Variants in MAST1 observed in about 807,000 individuals in gnomAD.
MAST1 encodes the protein microtubule-associated serine/threonine-protein kinase 1.
In MAST1, 40 loss-of-function variants were observed where a neutral mutation model predicts 124.6. That is an observed-to-expected ratio of 0.32 (90% CI 0.25 to 0.42). The LOEUF (loss-of-function observed/expected upper bound fraction) is 0.42. Ranked by LOEUF, MAST1 falls within the 10% of genes least tolerant of loss-of-function variation. The probability of loss-of-function intolerance (pLI) is 1.00; values close to 1 mark genes in which losing one functional copy is unlikely to be tolerated. For synonymous variants in MAST1, 938 were observed against 939.4 expected (o/e 1.00, Z 0.03); for missense variants, 1,558 against 2,181.9 (o/e 0.71, Z 5.70).
chr19:12,865,009 C>G lies in MAST1; in HGVS notation c.1506-37C>G. On this transcript the variant is annotated intron_variant, in intron 13 of 25. Transcript: ENST00000251472. This position sits in a 1 kb window ranked among gnomAD's most constrained non-coding sequence, Gnocchi z 7.1. Reference sequence around the variant, plus strand: ...TCGGGAGGCCAGGAGGCAGAATGGACGGGCCTCATCCCTGAGATCCCCACC... The same window carrying G: ...TCGGGAGGCCAGGAGGCAGAATGGAGGGGCCTCATCCCTGAGATCCCCACC... 3 of 1,613,458 alleles carry G rather than the reference C, an allele frequency of 1.9e-6. No homozygotes were observed. The highest frequency in any genetic ancestry group is 2.5e-6 in the Non-Finnish European group (3 of 1,179,500).
At chr19:12,845,027 C>T (rs1163358308) in intron 4 of MAST1, among the ~76,000 whole-genome samples, 3 of 152,018 alleles carry the variant, frequency 2.0e-5, no homozygotes, top group African/African-American at 4.8e-5. Flanking sequence ...TCTGGCCGGG[C>T]GCGGTGGCTC....
In MAST1 at chr19:12,865,713, G is replaced by A. The variant is rs1452012732; in HGVS notation, c.1805-4G>A. ...CCGCCCCTAAGTTCCGTTTTGTTTT[G>A]CAGATGACATCCTGTGGCCCGAGGG... is the stretch of plus-strand genomic sequence containing the variant. On this transcript the variant is annotated splice_region_variant and splice_polypyrimidine_tract_variant and intron_variant, in intron 15 of 25. Transcript: ENST00000251472. This position sits in a 1 kb window ranked among gnomAD's most constrained non-coding sequence, Gnocchi z 7.1. 4.4e-6 allele frequency: 7 copies of A among 1,604,868 alleles called. No homozygotes were observed. The highest frequency in any genetic ancestry group is 1.3e-5 in the African/African-American group (1 of 74,398).
chr19:12,864,795 T>A lies in MAST1; in HGVS notation c.1367-14T>A. ...TGCCTCCCTTTTTATGCGGGCCCAT[T>A]TCCTGGCCTGCAGGCGGCGACTGTG... On this transcript the variant is annotated splice_polypyrimidine_tract_variant and intron_variant, in intron 12 of 25. Coordinates refer to ENST00000251472, the MANE Select transcript of MAST1 (RefSeq NM_014975.3). 1 of 1,613,446 alleles carries A rather than the reference T, an allele frequency of 6.2e-7. No individual in the cohort carries two copies. Among genetic ancestry groups the A allele is most frequent in the South Asian group, 1.1e-5 (1 of 91,080 alleles).
intron 10 of MAST1, among the ~76,000 whole-genome samples, chr19:12,854,193 G>C (rs899213654): frequency 6.8e-6 from 1 of 147,096 alleles, no homozygotes; most frequent in Admixed American, 6.9e-5. Context: ...GCGTGATCTC[G>C]GCTCACTGCA....
rs1484942131 is a variant in MAST1 at position 12,874,261 on chromosome 19, G to C, written c.4104G>C (p.Ala1368=). ...KEKESPGGAE[A]CTPPRATTPG... is the part of the protein sequence containing the mutation. Reference sequence around the variant, plus strand: ...AGGAATCCCCGGGGGGCGCCGAGGCGTGCACCCCACCCCGCGCGACGACCC... The same window carrying C: ...AGGAATCCCCGGGGGGCGCCGAGGCCTGCACCCCACCCCGCGCGACGACCC... The change falls in exon 26 of 26, where the codon GCG becomes GCC. Residue 1368 remains alanine, a synonymous_variant. Transcript: ENST00000251472. This position sits in a 1 kb window ranked among gnomAD's most constrained non-coding sequence, Gnocchi z 6.6. The C allele has an allele frequency of 6.3e-7, 1 of 1,579,986 alleles. No individual in the cohort carries two copies. The highest frequency in any genetic ancestry group is 1.3e-5 in the African/African-American group (1 of 74,238).
chr19:12,865,689 C>A lies in MAST1; in HGVS notation c.1805-28C>A. On this transcript the variant is annotated intron_variant, in intron 15 of 25. Coordinates refer to ENST00000251472, the MANE Select transcript of MAST1 (RefSeq NM_014975.3). The surrounding 1 kb of genome is among the most constrained non-coding windows in gnomAD (Gnocchi z 7.1). ...TCCAAACAACAACAACAACAAAAACCGCCCCTAAGTTCCGTTTTGTTTTGC... is the reference window on the plus strand; with the variant it reads ...TCCAAACAACAACAACAACAAAAACAGCCCCTAAGTTCCGTTTTGTTTTGC... 2 of 1,573,276 alleles carry A rather than the reference C, an allele frequency of 1.3e-6. No homozygotes were observed. The highest frequency in any genetic ancestry group is 2.3e-5 in the South Asian group (2 of 87,756).
Position 12,869,167 on chromosome 19 carries a change from C to G in MAST1, c.2875C>G (p.Pro959Ala). Residue 959 changes from proline to alanine, a missense_variant, in exon 22 of 26, where the codon CCA (proline) becomes GCA (alanine). Pro to Ala is a conservative substitution (Grantham distance 27). Coordinates refer to ENST00000251472, the MANE Select transcript of MAST1 (RefSeq NM_014975.3). ...RDSSPSRDYS[P>A]AVSGLRSPIT... ...CTCCTCACCCAGCCGGGACTACTCA[C>G]CAGCTGTCAGTGGGCTCCGCTCCCC... 1 of 1,614,228 alleles carries G rather than the reference C, an allele frequency of 6.2e-7. No individual in the cohort carries two copies. Among genetic ancestry groups the G allele is most frequent in the South Asian group, 1.1e-5 (1 of 91,088 alleles).
intron 22 of MAST1, 139 bp downstream of exon 22, chr19:12,869,434 T>C (rs1970203541): frequency 2.9e-6 from 2 of 688,448 alleles, no homozygotes; most frequent in Admixed American, 2.9e-5. Context: ...TGTTTCTTTT[T>C]TCTTTTACTT....
chr19:12,847,760 C>G lies in MAST1; in HGVS notation c.564+73C>G, dbSNP rs1332412995. 1 of 1,585,954 alleles carries G rather than the reference C, an allele frequency of 6.3e-7. No homozygotes were observed. The highest frequency in any genetic ancestry group is 8.6e-7 in the Non-Finnish European group (1 of 1,162,694). Reference sequence around the variant, plus strand: ...TCTCGCTCGCCTTATCCCCGCGCGCCCCCTGGCGGCCTCGGTGCGCAGCGC... The same window carrying G: ...TCTCGCTCGCCTTATCCCCGCGCGCGCCCTGGCGGCCTCGGTGCGCAGCGC... On this transcript the variant is annotated intron_variant, in intron 6 of 25. Transcript: ENST00000251472. The surrounding 1 kb of genome is among the most constrained non-coding windows in gnomAD (Gnocchi z 5.5).
chr19:12,873,906 C>T lies in MAST1; in HGVS notation c.3749C>T (p.Pro1250Leu). The change falls in exon 26 of 26, where the codon CCC (proline) becomes CTC (leucine). Residue 1250 changes from proline (P) to leucine (L), a missense_variant. Pro to Leu is a moderately conservative substitution (Grantham distance 98). This residue lies in a region of MAST1 where 263 missense variants were observed against 310.9 expected (regional missense o/e 0.85). Transcript: ENST00000251472. ...TCGCCTCCCGTCGTGCGCCCGCGCC[C>T]CAAGAGTGCCGAGCCCCCTCGCTCG... ...HSSPPVVRPRPKSAEPPRSPL... is the reference protein window; with the variant it reads ...HSSPPVVRPRLKSAEPPRSPL... 1 of 1,583,476 alleles carries T rather than the reference C, an allele frequency of 6.3e-7. No individual in the cohort carries two copies. Among genetic ancestry groups the T allele is most frequent in the South Asian group, 1.1e-5 (1 of 88,470 alleles).
chr19:12,864,528 C>T (rs1297222375), intron 12 of MAST1, among the ~76,000 whole-genome samples: 1 of 152,088 alleles, frequency 6.6e-6, no homozygotes, highest in Non-Finnish European at 1.5e-5. Context: ...TGTTCCCCAA[C>T]TAAACCTCAC....
At chr19:12,848,713 TC>T (rs1227805341) in intron 7 of MAST1, 1 of 152,164 alleles carries the variant, frequency 6.6e-6, no homozygotes, top group African/African-American at 2.4e-5. Flanking sequence ...ATCCCAGCAC[TC>T]TGGGAGGCTG....
intron 4 of MAST1, among the ~76,000 whole-genome samples, chr19:12,846,635 G>C (rs1262462230): frequency 6.6e-6 from 1 of 152,008 alleles, no homozygotes; most frequent in Non-Finnish European, 1.5e-5. Context: ...TCAGCACTTT[G>C]GGAGGCAGAG....
At position 12,873,453 on chromosome 19, in the gene MAST1, G is replaced by A; in HGVS notation, c.3393G>A (p.Gly1131=). Residue 1131 remains glycine (G), a synonymous_variant, in exon 25 of 26, where the codon GGG becomes GGA. Transcript: ENST00000251472. ...GTCTCCCGGGCTCGCCTACGCACGG[G>A]CTGCCGGCGCGCTCGCCCACGCACA... ...SDSLPGSPTH[G]LPARSPTHSY... The A allele has an allele frequency of 6.2e-7, 1 of 1,611,264 alleles. No homozygotes were observed. The highest frequency in any genetic ancestry group is 2.2e-5 in the East Asian group (1 of 44,862).
chr19:12,873,339 C>T lies in MAST1; in HGVS notation c.3279C>T (p.Ser1093=), dbSNP rs1970262581. The change falls in exon 25 of 26, where the codon TCC becomes TCT. Residue 1093 remains serine, a synonymous_variant. Coordinates refer to ENST00000251472, the MANE Select transcript of MAST1 (RefSeq NM_014975.3). Reference sequence around the variant, plus strand: ...TGTCCCGCAGCAAGAAGCGCAGCTCCCTCTTCCGGAAGATCACGAAGCAGT... The same window carrying T: ...TGTCCCGCAGCAAGAAGCGCAGCTCTCTCTTCCGGAAGATCACGAAGCAGT... ...KEGQESKKRS[S]LFRKITKQSN... The T allele has an allele frequency of 1.9e-6, 3 of 1,613,088 alleles. No homozygotes were observed. The highest frequency in any genetic ancestry group is 8.5e-7 in the Non-Finnish European group (1 of 1,179,292).
rs1969788335 is a variant in MAST1 at position 12,838,610 on chromosome 19, C to T, written c.38C>T (p.Ser13Leu). 8.1e-6 allele frequency: 13 copies of T among 1,610,330 alleles called. No homozygotes were observed. The highest frequency in any genetic ancestry group is 1.1e-5 in the Non-Finnish European group (13 of 1,178,724). ...CTCTGGACCGCGCTTTCTAATTTCT[C>T]GATGCCCTCCTTCCCCGGCGGCAGT... ...DSLWTALSNF[S>L]MPSFPGGSMF... The change falls in exon 1 of 26, where the codon TCG becomes TTG. Residue 13 changes from serine to leucine, a missense_variant. By Grantham distance (145) the Ser-to-Leu change is moderately radical. Transcript: ENST00000251472. The surrounding 1 kb of genome is among the most constrained non-coding windows in gnomAD (Gnocchi z 4.3).
chr19:12,847,540 AC>A lies in MAST1; in HGVS notation c.489-71del. 6.2e-7 allele frequency: 1 copy of A among 1,612,902 alleles called. No homozygotes were observed. Among genetic ancestry groups the A allele is most frequent in the Non-Finnish European group, 8.5e-7 (1 of 1,179,314 alleles). On this transcript the variant is annotated intron_variant, in intron 5 of 25. Transcript: ENST00000251472. The surrounding 1 kb of genome is among the most constrained non-coding windows in gnomAD (Gnocchi z 5.5). ...CCCTGTCCCCGCGAATAAAAGGGTT[AC>A]ATCTTGGGGCGGGGGCTCTCTGCGG...
At chr19:12,861,668 TTTTCTTTTTCTCTCTTTCTTTCTTTC>T (rs1351947862) in intron 12 of MAST1, among the ~76,000 whole-genome samples, 1 of 139,622 alleles carries the variant, frequency 7.2e-6, no homozygotes, top group Admixed American at 7.6e-5. Context: ...GTTTTTTTCT[TTTTCTTTTTCTCTCTTTCTTTCTTTC>T]TTTCTTTCTT....
In MAST1 at chr19:12,871,104, G is replaced by A. The variant is rs767626398; in HGVS notation, c.3195G>A (p.Arg1065=). Residue 1065 remains arginine, a synonymous_variant, in exon 24 of 26, where the codon AGG becomes AGA. Transcript: ENST00000251472. ...ENTSIRIGPA[R]RSSYKAKMAR... ...CCTCTATCCGCATTGGTCCCGCAAG[G>A]CGCAGCAGCTACAAGGCTAAAATGG... The A allele has an allele frequency of 1.5e-5, 25 of 1,614,210 alleles. No homozygotes were observed. The South Asian group carries it at 2.7e-4, about 18-fold the overall frequency.
Sources: allele counts gnomAD v4.1 joint callset (sites outside exome capture counted in the v4.1 genomes callset), GRCh38; gene constraint gnomAD v4.1.1; regional missense constraint gnomAD v4.1.1; non-coding constraint Gnocchi (gnomAD v3.1); transcripts MANE v1.5; gene names NCBI Gene and HGNC (gene_info 2026-07-23, HGNC 2026-07-21).